The following NRG1 variants were observed in gnomAD, a reference collection of about 807,000 sequenced individuals.
The protein encoded by NRG1 is neuregulin 1.
A neutral mutation model predicts 63.8 loss-of-function variants in NRG1; 18 were observed. That is an observed-to-expected ratio of 0.28 (90% CI 0.19 to 0.42). NRG1 has a LOEUF of 0.42. Among genes scored for constraint, NRG1 ranks in the 10% least tolerant of loss-of-function variants. The pLI is 1.00. For synonymous variants in NRG1, 302 were observed against 301.3 expected, an observed-to-expected ratio of 1.00 and a Z score of -0.02; for missense variants, 762 against 814.7, an observed-to-expected ratio of 0.94 and a Z score of 0.79.
At chr8:31,869,165 C>A (rs1236809767) in intron 1 of NRG1, among the ~76,000 whole-genome samples, 6 of 152,166 alleles carry the variant, frequency 3.9e-5, no homozygotes. Flanking sequence ...CTTATCCTAA[C>A]AACTTAAGCT....
chr8:32,310,066 G>A (rs1189723853), intron 1 of NRG1, among the ~76,000 whole-genome samples: 1 of 152,180 alleles, frequency 6.6e-6, no homozygotes, highest in African/African-American at 2.4e-5. Flanking sequence ...GGAGTGGCCA[G>A]TGCCCGCTCT....
chr8:31,655,356 G>A (rs1448361242), intron 1 of NRG1, among the ~76,000 whole-genome samples: 1 of 152,160 alleles, frequency 6.6e-6, no homozygotes, highest in Non-Finnish European at 1.5e-5. Flanking sequence ...CAAGGTCCCA[G>A]CCAGGTGAAC....
chr8:31,790,516 T>G, intron 1 of NRG1, among the ~76,000 whole-genome samples: 1 of 152,254 alleles, frequency 6.6e-6, no homozygotes, highest in East Asian at 1.9e-4. Context: ...TCTGGACATT[T>G]AATTCCTCAT....
At chr8:32,284,405 A>G (rs1394482742) in intron 1 of NRG1, among the ~76,000 whole-genome samples, 2 of 151,738 alleles carry the variant, frequency 1.3e-5, no homozygotes, top group East Asian at 1.9e-4. Context: ...CCCTACCATA[A>G]TATCTCTATT....
At chr8:32,655,499 C>T (rs1357445518) in intron 5 of NRG1, among the ~76,000 whole-genome samples, 1 of 152,082 alleles carries the variant, frequency 6.6e-6, no homozygotes. Context: ...TATTGAATTC[C>T]TTCTTTGCCC....
Position 32,005,181 on chromosome 8 carries a change from C to T in NRG1, c.37+365750C>T, listed in dbSNP as rs192650370. 4.6e-3 allele frequency among the ~76,000 whole-genome samples: 690 copies of T among 151,542 alleles called. 5 individuals carry two copies. Among genetic ancestry groups the T allele is most frequent in the African/African-American group, 0.016 (646 of 41,382 alleles). On this transcript the variant is annotated intron_variant, in intron 1 of 10. Transcript: ENST00000519301. ...GGGAGAGAGGGAAAGCCAAAACAGGCGAGGAATGATGAGAAGGATGGGTAG... is the reference window on the plus strand; with the variant it reads ...GGGAGAGAGGGAAAGCCAAAACAGGTGAGGAATGATGAGAAGGATGGGTAG...
Position 32,619,566 on chromosome 8 carries a change from G to A in NRG1, c.502+2681G>A, listed in dbSNP as rs964716868. On this transcript the variant is annotated intron_variant, in intron 5 of 11. Transcript: ENST00000356819. The stretch of plus-strand genomic sequence containing the variant: ...AGAGCATAGTGGCCTGGCCCAGGCT[G>A]GTAGCAGTAGAGGTGGCAAAAAAGT... Among the ~76,000 whole-genome samples the A allele has an allele frequency of 3.1e-4, 47 of 152,280 alleles. 1 individual carries two copies. The highest frequency in any genetic ancestry group is 3.1e-3 in the Admixed American group (47 of 15,306).
At chr8:32,612,110 A>G (rs1198607192) in intron 3 of NRG1, among the ~76,000 whole-genome samples, 2 of 152,098 alleles carry the variant, frequency 1.3e-5, no homozygotes, top group Non-Finnish European at 2.9e-5. Context: ...ATTAATTTGC[A>G]CTAATGAAGG....
chr8:31,639,504 G>A (rs906261958), intron 1 of NRG1: 18 of 1,520,974 alleles, frequency 1.2e-5, no homozygotes, highest in African/African-American at 1.4e-5. Flanking sequence ...ACGCAACTCC[G>A]CCTCCAGGGC....
chr8:32,081,424 T>A (rs1324265062), intron 1 of NRG1, among the ~76,000 whole-genome samples: 5 of 152,084 alleles, frequency 3.3e-5, no homozygotes, highest in African/African-American at 1.2e-4. Context: ...CTCCTGCACA[T>A]CTAATCTTTA....
intron 1 of NRG1, among the ~76,000 whole-genome samples, chr8:32,262,756 A>G (rs1459324362): frequency 7.9e-5 from 12 of 152,134 alleles, no homozygotes; most frequent in Non-Finnish European, 1.0e-4. Context: ...AATTTGTTGT[A>G]TTTTGGTTAT....
chr8:31,814,979 A>C (rs1426481568), intron 1 of NRG1, among the ~76,000 whole-genome samples: 1 of 151,960 alleles, frequency 6.6e-6, no homozygotes, highest in African/African-American at 2.4e-5. Context: ...ATCTGCTAGG[A>C]GGATCCACAC....
rs527771087 is a variant in NRG1 at position 32,669,950 on chromosome 8, G to A, written c.502+53065G>A. On this transcript the variant is annotated intron_variant, in intron 5 of 11. Coordinates refer to ENST00000356819, the Ensembl canonical transcript of NRG1. ...TGTTGTATCCCATTTCTATCTCAGGGAATTATGTGTGTTTACCAAACTGAT... is the reference window on the plus strand; with the variant it reads ...TGTTGTATCCCATTTCTATCTCAGGAAATTATGTGTGTTTACCAAACTGAT... 1.3e-4 allele frequency among the ~76,000 whole-genome samples: 20 copies of A among 152,242 alleles called. No individual in the cohort carries two copies. In the South Asian group the frequency reaches 4.1e-3, roughly 32 times the overall value.
At chr8:31,737,293 G>A (rs1266593163) in intron 1 of NRG1, among the ~76,000 whole-genome samples, 2 of 152,150 alleles carry the variant, frequency 1.3e-5, no homozygotes, top group East Asian at 3.9e-4. Context: ...CCAAGACTGT[G>A]TTATGTGGCC....
intron 1 of NRG1, among the ~76,000 whole-genome samples, chr8:32,066,633 C>T (rs1185349844): frequency 6.6e-6 from 1 of 152,146 alleles, no homozygotes; most frequent in East Asian, 1.9e-4. Flanking sequence ...ATGCCTCCAG[C>T]TTTGTTCTTC....
chr8:32,646,848 A>C (rs1588951356), intron 5 of NRG1: 2 of 984,596 alleles, frequency 2.0e-6, no homozygotes, highest in African/African-American at 3.5e-5. Context: ...TTTTACTCAG[A>C]CCAGCCTGCA....
chr8:32,318,232 A>T (rs1742829689), intron 1 of NRG1, among the ~76,000 whole-genome samples: 1 of 152,234 alleles, frequency 6.6e-6, no homozygotes, highest in East Asian at 1.9e-4. Flanking sequence ...GAACAGAGTG[A>T]TTCTTGTAAT....
At chr8:32,059,492 G>A (rs1388770936) in intron 1 of NRG1, among the ~76,000 whole-genome samples, 1 of 151,948 alleles carries the variant, frequency 6.6e-6, no homozygotes, top group African/African-American at 2.4e-5. Context: ...AACTTCCTAA[G>A]AGAAAGCACA....
chr8:32,178,394 G>A (rs1841037690), intron 1 of NRG1, among the ~76,000 whole-genome samples: 1 of 152,132 alleles, frequency 6.6e-6, no homozygotes, highest in African/African-American at 2.4e-5. Context: ...CAGATCACTT[G>A]AGGTTAGCAG....
Sources: allele counts gnomAD v4.1 joint callset (sites outside exome capture counted in the v4.1 genomes callset), GRCh38; gene constraint gnomAD v4.1.1; transcripts MANE v1.5; gene names NCBI Gene and HGNC (gene_info 2026-07-23, HGNC 2026-07-21).